ZNF254: variants seen among roughly 807,000 people sequenced by gnomAD.
The protein encoded by ZNF254 is CTD-2017D11.1.
In ZNF254, 10 loss-of-function variants were observed where a neutral mutation model predicts 12.4. The ratio of observed to expected loss-of-function variants is 0.80; its 90% confidence interval spans 0.50 to 1.36. The LOEUF (loss-of-function observed/expected upper bound fraction) is 1.36, where lower values mean the gene tolerates loss of function less well. ZNF254 is among the 40% of genes most tolerant of loss of function. ZNF254 has a pLI of 0.00. For synonymous variants in ZNF254, 305 were observed against 253.4 expected (o/e 1.20, Z -1.93); for missense variants, 996 against 763.9 (o/e 1.30, Z -3.58).
rs947752564 is a variant in ZNF254 at position 24,087,410 on chromosome 19, G to A, written c.30+73G>A. The A allele has an allele frequency of 2.5e-6, 4 of 1,596,990 alleles. No individual in the cohort carries two copies. In the African/African-American group the frequency reaches 4.0e-5, roughly 16 times the overall value. ...GAACTGGTGGGAAGCGGCTGTGGCG[G>A]GACTCAGGCCTCCCCCCAGTCAGCT... On this transcript the variant is annotated intron_variant, in intron 1 of 3. Coordinates refer to ENST00000357002, the MANE Select transcript of ZNF254 (RefSeq NM_203282.4).
At chr19:24,063,741 A>T (rs1227126933) in intron 2 of ZNF254, 1 of 149,790 alleles carries the variant, frequency 6.7e-6, no homozygotes, top group Admixed American at 6.6e-5. Flanking sequence ...CACAAAAGAG[A>T]TTATGACATG....
At chr19:24,068,461 G>A (rs763238193) in intron 2 of ZNF254, among the ~76,000 whole-genome samples, 5 of 151,998 alleles carry the variant, frequency 3.3e-5, no homozygotes, top group Non-Finnish European at 7.4e-5. Context: ...TTACCACACC[G>A]TTCTAATTTT....
At chr19:24,065,149 C>T (rs1192353450) in intron 2 of ZNF254, among the ~76,000 whole-genome samples, 1 of 152,134 alleles carries the variant, frequency 6.6e-6, no homozygotes, top group African/African-American at 2.4e-5. Flanking sequence ...ATTTTTTTAT[C>T]CATCACCTGG....
intron 3 of ZNF254, among the ~76,000 whole-genome samples, chr19:24,110,924 G>A (rs1043498256): frequency 6.6e-6 from 1 of 151,234 alleles, no homozygotes; most frequent in Non-Finnish European, 1.5e-5. Context: ...AAGATGCAGG[G>A]TGAATCTATA....
intron 2 of ZNF254, among the ~76,000 whole-genome samples, chr19:24,059,741 C>T (rs1316990956): frequency 6.6e-6 from 1 of 152,138 alleles, no homozygotes; most frequent in Non-Finnish European, 1.5e-5. Flanking sequence ...GTGTGACTCT[C>T]CACTTATGCC....
At chr19:24,081,983 TGTG>T (rs1307783062) in intron 2 of ZNF254, among the ~76,000 whole-genome samples, 1 of 151,888 alleles carries the variant, frequency 6.6e-6, no homozygotes, top group Non-Finnish European at 1.5e-5. Flanking sequence ...ATTAGCTGGG[TGTG>T]GTGGTGTGCA....
chr19:24,107,081 T>C (rs1315634272), intron 3 of ZNF254: 5 of 454,210 alleles, frequency 1.1e-5, no homozygotes, highest in Non-Finnish European at 1.9e-5. Context: ...TTTCTGCACA[T>C]TTCATCCTGT....
intron 1 of ZNF254, among the ~76,000 whole-genome samples, chr19:24,094,422 G>A (rs1972559051): frequency 6.6e-6 from 1 of 151,786 alleles, no homozygotes; most frequent in South Asian, 2.1e-4. Context: ...CACTGCGCCT[G>A]GTTAATTTTT....
At position 24,126,752 on chromosome 19, in the gene ZNF254, C is replaced by T. The variant is rs374236597; in HGVS notation, c.752C>T (p.Ser251Leu). Residue 251 changes from serine (S) to leucine (L), a missense_variant, in exon 4 of 4, where the codon TCA (serine) becomes TTA (leucine). Physicochemically the swap from Ser to Leu is moderately radical, Grantham distance 145 (BLOSUM62 -2). Transcript: ENST00000357002. ...EEYNKSPKQL[S>L]TLTTHEIIHA... ...TATAACAAATCTCCTAAGCAACTCT[C>T]AACCCTTACTACACATGAAATAATT... is the stretch of plus-strand genomic sequence containing the variant. 6.8e-6 allele frequency: 11 copies of T among 1,613,314 alleles called. No individual in the cohort carries two copies. Among genetic ancestry groups the T allele is most frequent in the Non-Finnish European group, 9.3e-6 (11 of 1,179,796 alleles).
intron 1 of ZNF254, among the ~76,000 whole-genome samples, chr19:24,096,676 A>G (rs1301783952): frequency 1.3e-5 from 2 of 152,190 alleles, no homozygotes; most frequent in African/African-American, 4.8e-5. Context: ...TATTAGGACT[A>G]TTTGGTCAAG....
At chr19:24,076,086 T>C (rs1392590993) in intron 2 of ZNF254, among the ~76,000 whole-genome samples, 1 of 152,200 alleles carries the variant, frequency 6.6e-6, no homozygotes, top group African/African-American at 2.4e-5. Flanking sequence ...TTACAAACAA[T>C]TTGTACAGAT....
chr19:24,076,264 G>A (rs1236985303), intron 2 of ZNF254, among the ~76,000 whole-genome samples: 1 of 152,134 alleles, frequency 6.6e-6, no homozygotes, highest in Non-Finnish European at 1.5e-5. Context: ...AGTAAAGACA[G>A]GCACAAGAAA....
chr19:24,093,005 A>T (rs1972481971), intron 1 of ZNF254, among the ~76,000 whole-genome samples: 1 of 152,164 alleles, frequency 6.6e-6, no homozygotes, highest in Non-Finnish European at 1.5e-5. Flanking sequence ...TCTCACTGGC[A>T]TGAGATTGTA....
upstream of ZNF254, among the ~76,000 whole-genome samples, chr19:24,086,566 C>A (rs1972048404): frequency 6.6e-6 from 1 of 152,094 alleles, no homozygotes; most frequent in African/African-American, 2.4e-5. Context: ...CAGCCTCCAC[C>A]TCCCAGGTTC....
chr19:24,107,943 T>C (rs935446624), intron 3 of ZNF254, among the ~76,000 whole-genome samples: 5 of 152,172 alleles, frequency 3.3e-5, no homozygotes, highest in Non-Finnish European at 7.3e-5. Context: ...GCTTGGATAG[T>C]TGTAATTCTC....
chr19:24,044,034 T>G (rs530932292), intron 1 of ZNF254, among the ~76,000 whole-genome samples: 1 of 148,046 alleles, frequency 6.8e-6, no homozygotes, highest in Non-Finnish European at 1.5e-5. Flanking sequence ...AGGTCAGGAT[T>G]CCGAGACCAG....
intron 1 of ZNF254, among the ~76,000 whole-genome samples, chr19:24,034,424 G>T (rs1969880689): frequency 6.7e-6 from 1 of 149,948 alleles, no homozygotes; most frequent in Non-Finnish European, 1.5e-5. Flanking sequence ...TGGGAATAGA[G>T]TTATTGTTCT....
At chr19:24,075,434 TG>T (rs953723118) in intron 2 of ZNF254, among the ~76,000 whole-genome samples, 8 of 152,162 alleles carry the variant, frequency 5.3e-5, no homozygotes, top group Non-Finnish European at 8.8e-5. Context: ...ATTTTACAGC[TG>T]GGTCTCCGGG....
At chr19:24,102,308 A>C (rs1012090868) in intron 1 of ZNF254, among the ~76,000 whole-genome samples, 4 of 151,588 alleles carry the variant, frequency 2.6e-5, no homozygotes, top group Non-Finnish European at 5.9e-5. Flanking sequence ...GATTTGTTTA[A>C]ATTGCTTATT....
Sources: allele counts gnomAD v4.1 joint callset (sites outside exome capture counted in the v4.1 genomes callset), GRCh38; gene constraint gnomAD v4.1.1; transcripts MANE v1.5; gene names NCBI Gene and HGNC (gene_info 2026-07-23, HGNC 2026-07-21).